SULT1E1: variants seen among roughly 807,000 people sequenced by gnomAD.
SULT1E1 encodes the protein sulfotransferase 1E1.
In SULT1E1, 36 loss-of-function variants were observed where a neutral mutation model predicts 33.6. That is an observed-to-expected ratio of 1.07 (90% CI 0.82 to 1.41). The LOEUF is 1.41. Ranked by LOEUF, SULT1E1 falls within the 40% of genes most tolerant of loss-of-function variation. SULT1E1 has a pLI of 0.00. For missense variants in SULT1E1, 371 were observed against 345.7 expected (o/e 1.07, Z -0.58); for synonymous variants, 121 against 111.7 (o/e 1.08, Z -0.53).
downstream of SULT1E1, chr4:69,841,081 AG>A (rs917495867): frequency 6.6e-6 from 1 of 152,048 alleles, no homozygotes; most frequent in African/African-American, 2.4e-5. Flanking sequence ...GAAAATAAGG[AG>A]GGAAATCATA....
chr4:69,835,453 C>A, the SULT1E1 span, among the ~76,000 whole-genome samples: 6 of 152,092 alleles, frequency 3.9e-5, no homozygotes, highest in Middle Eastern at 3.4e-3. Flanking sequence ...GTGTTAGAAA[C>A]AGAGAAAGAT....
At chr4:69,828,003 G>T in the SULT1E1 span, among the ~76,000 whole-genome samples, 8 of 152,218 alleles carry the variant, frequency 5.3e-5, no homozygotes, top group Non-Finnish European at 1.0e-4. Flanking sequence ...GAGGGCAAAG[G>T]TTCTTTAGGC....
At chr4:69,824,002 C>T in the SULT1E1 span, among the ~76,000 whole-genome samples, 4 of 152,210 alleles carry the variant, frequency 2.6e-5, no homozygotes, top group African/African-American at 9.6e-5. Flanking sequence ...CTTCCTGGCA[C>T]TGACTCATTG....
chr4:69,825,874 C>T, the SULT1E1 span, among the ~76,000 whole-genome samples: 1 of 152,194 alleles, frequency 6.6e-6, no homozygotes, highest in African/African-American at 2.4e-5. Flanking sequence ...GCTAGTCCCA[C>T]TTCTAAAAAC....
At chr4:69,824,050 C>G in the SULT1E1 span, among the ~76,000 whole-genome samples, 1 of 152,280 alleles carries the variant, frequency 6.6e-6, no homozygotes, top group Admixed American at 6.5e-5. Flanking sequence ...TTCACAATCT[C>G]TAAAGTTATT....
the SULT1E1 span, among the ~76,000 whole-genome samples, chr4:69,828,328 C>T: frequency 6.6e-6 from 1 of 152,182 alleles, no homozygotes; most frequent in African/African-American, 2.4e-5. Flanking sequence ...GTCCTCACTA[C>T]CTTTAAGAGC....
intron 7 of SULT1E1, among the ~76,000 whole-genome samples, chr4:69,842,416 C>A (rs1286850877): frequency 2.6e-5 from 4 of 152,224 alleles, no homozygotes; most frequent in Non-Finnish European, 4.4e-5. Context: ...TTTACCCACT[C>A]TCAAGGTGTT....
chr4:69,857,518 C>A lies in SULT1E1; in HGVS notation c.127G>T (p.Ala43Ser). The A allele has an allele frequency of 6.2e-7, 1 of 1,602,346 alleles. No individual in the cohort carries two copies. The highest frequency in any genetic ancestry group is 8.5e-7 in the Non-Finnish European group (1 of 1,177,000). The change falls in exon 2 of 8, where the codon GCC becomes TCC. Residue 43 changes from alanine to serine, a missense_variant. Physicochemically the swap from Ala to Ser is moderately conservative, Grantham distance 99 (BLOSUM62 1). Coordinates refer to ENST00000226444, the MANE Select transcript of SULT1E1 (RefSeq NM_005420.3). ...GATTTACCAGATTTAGGGTAGGTGG[C>A]AATGACAAGATCATCTGGTCTTGCC... ...FQARPDDLVI[A>S]TYPKSGTTWV...
chr4:69,852,267 C>A (rs909701979), intron 4 of SULT1E1, among the ~76,000 whole-genome samples: 2 of 152,118 alleles, frequency 1.3e-5, no homozygotes, highest in African/African-American at 2.4e-5. Flanking sequence ...ACTCTCCATT[C>A]AAATTCTTTT....
At chr4:69,822,035 T>C in the SULT1E1 span, among the ~76,000 whole-genome samples, 1 of 152,216 alleles carries the variant, frequency 6.6e-6, no homozygotes, top group Non-Finnish European at 1.5e-5. Context: ...GCAAGAATGG[T>C]CCTTCTATGC....
At chr4:69,850,801 T>A (rs147243392) in intron 4 of SULT1E1, among the ~76,000 whole-genome samples, 358 of 152,166 alleles carry the variant, frequency 2.4e-3, no homozygotes, top group African/African-American at 8.4e-3. Flanking sequence ...GGCTTTTTAT[T>A]TTCCCAGATA....
downstream of SULT1E1, among the ~76,000 whole-genome samples, chr4:69,836,545 G>A (rs1720799608): frequency 6.6e-6 from 1 of 152,082 alleles, no homozygotes; most frequent in African/African-American, 2.4e-5. Context: ...ATTCCATCTG[G>A]AATCCCTGGG....
chr4:69,858,587 A>G (rs984120712), intron 1 of SULT1E1, among the ~76,000 whole-genome samples: 40 of 152,102 alleles, frequency 2.6e-4, no homozygotes, highest in Non-Finnish European at 1.9e-4. Context: ...CATTTGCCCA[A>G]AAACCTGCCT....
chr4:69,836,987 G>A (rs1429121753), downstream of SULT1E1, among the ~76,000 whole-genome samples: 1 of 152,124 alleles, frequency 6.6e-6, no homozygotes, highest in African/African-American at 2.4e-5. Context: ...GGAAGCTGAG[G>A]TGGAAAGATG....
At chr4:69,846,319 A>G (rs1450923440) in intron 6 of SULT1E1, among the ~76,000 whole-genome samples, 4 of 149,224 alleles carry the variant, frequency 2.7e-5, no homozygotes, top group Non-Finnish European at 4.5e-5. Flanking sequence ...AAAAAAAAAA[A>G]AAAGAAAAGA....
downstream of SULT1E1, among the ~76,000 whole-genome samples, chr4:69,839,149 C>T (rs149502136): frequency 3.2e-3 from 486 of 152,274 alleles, 4 homozygotes; most frequent in African/African-American, 0.011. Flanking sequence ...CTGAGTACTT[C>T]CTAGTGTTGA....
the SULT1E1 span, among the ~76,000 whole-genome samples, chr4:69,822,092 T>C: frequency 4.6e-5 from 7 of 152,204 alleles, no homozygotes; most frequent in Non-Finnish European, 1.0e-4. Flanking sequence ...AGAACAAACA[T>C]TTATACATTA....
intron 7 of SULT1E1, among the ~76,000 whole-genome samples, chr4:69,843,228 C>T (rs1720913992): frequency 6.6e-6 from 1 of 152,048 alleles, no homozygotes. Context: ...AACCAGAAGA[C>T]AGAACATGTG....
chr4:69,822,943 C>A, the SULT1E1 span, among the ~76,000 whole-genome samples: 1 of 152,096 alleles, frequency 6.6e-6, no homozygotes, highest in Non-Finnish European at 1.5e-5. Flanking sequence ...CTTTTTACAA[C>A]AAAATGGCCC....
Sources: allele counts gnomAD v4.1 joint callset (sites outside exome capture counted in the v4.1 genomes callset), GRCh38; gene constraint gnomAD v4.1.1; transcripts MANE v1.5; gene names NCBI Gene and HGNC (gene_info 2026-07-23, HGNC 2026-07-21).